Variants in HDAC4 observed in about 807,000 individuals in gnomAD.
HDAC4 encodes the protein histone deacetylase A.
A neutral mutation model predicts 135.1 loss-of-function variants in HDAC4; 16 were observed. The observed-to-expected ratio is 0.12, with a 90% CI of 0.08 to 0.18. The LOEUF (loss-of-function observed/expected upper bound fraction) is 0.18, where lower values mean the gene tolerates loss of function less well. Among genes scored for constraint, HDAC4 ranks in the 10% least tolerant of loss-of-function variants. The pLI, the probability that HDAC4 is intolerant of heterozygous loss-of-function variation, is 1.00. For synonymous variants in HDAC4, 685 were observed against 653.4 expected, an observed-to-expected ratio of 1.05 and a Z score of -0.74; for missense variants, 1,143 against 1,511.8, an observed-to-expected ratio of 0.76 and a Z score of 4.05.
chr2:239,057,849 A>G (rs531088429), intron 24 of HDAC4, among the ~76,000 whole-genome samples: 41 of 152,364 alleles, frequency 2.7e-4, no homozygotes, highest in Admixed American at 1.2e-3. Context: ...AGAAAATGAC[A>G]TAAGTACAGG....
At chr2:239,374,799 G>C (rs183142964) in intron 1 of HDAC4, among the ~76,000 whole-genome samples, 2 of 152,328 alleles carry the variant, frequency 1.3e-5, no homozygotes, top group East Asian at 3.9e-4. Context: ...TCAAATTTCA[G>C]ATAAAATGAA....
At chr2:239,125,520 A>C (rs6543513) in intron 12 of HDAC4, among the ~76,000 whole-genome samples, 82,313 of 151,980 alleles carry the variant, frequency 0.54, 22,499 homozygotes, top group East Asian at 0.75. Context: ...AATGGCCTGA[A>C]ACAGGGACTC....
intron 2 of HDAC4, chr2:239,298,700 A>G (rs1238235048): frequency 1.3e-6 from 1 of 784,992 alleles, no homozygotes; most frequent in Non-Finnish European, 1.5e-6. Flanking sequence ...GGAAATCATG[A>G]CACTCCACCT....
intron 2 of HDAC4, among the ~76,000 whole-genome samples, chr2:239,280,758 C>G (rs2050662578): frequency 6.6e-6 from 1 of 152,078 alleles, no homozygotes; most frequent in Admixed American, 6.5e-5. Flanking sequence ...CCATGTACAC[C>G]ACTCCACAAT....
chr2:239,319,348 A>C (rs967485412), intron 2 of HDAC4, among the ~76,000 whole-genome samples: 35 of 152,232 alleles, frequency 2.3e-4, no homozygotes, highest in African/African-American at 8.4e-4. Flanking sequence ...TCTGCAAATG[A>C]TTAAGAAAAC....
intron 2 of HDAC4, among the ~76,000 whole-genome samples, chr2:239,270,432 C>T (rs2049996497): frequency 6.6e-6 from 1 of 151,960 alleles, no homozygotes. Flanking sequence ...TGGTGAGACA[C>T]AGTGAAGCAG....
At chr2:239,346,246 A>G (rs1692657082) in intron 2 of HDAC4, among the ~76,000 whole-genome samples, 1 of 141,038 alleles carries the variant, frequency 7.1e-6, no homozygotes, top group Non-Finnish European at 1.6e-5. Context: ...ACACACCCAT[A>G]CTTTAATACA....
chr2:239,368,085 G>C (rs1467354087), intron 1 of HDAC4, among the ~76,000 whole-genome samples: 1 of 152,138 alleles, frequency 6.6e-6, no homozygotes, highest in East Asian at 1.9e-4. Context: ...AAAACTCTGA[G>C]AGCCTGAACA....
chr2:239,290,378 C>T (rs1021704000), intron 2 of HDAC4, among the ~76,000 whole-genome samples: 20 of 152,192 alleles, frequency 1.3e-4, no homozygotes, highest in African/African-American at 3.1e-4. Flanking sequence ...GCACCAATGG[C>T]GTGAGGATGT....
chr2:239,370,400 C>T (rs372202339), intron 1 of HDAC4, among the ~76,000 whole-genome samples: 4 of 152,160 alleles, frequency 2.6e-5, no homozygotes, highest in African/African-American at 9.7e-5. Flanking sequence ...GGTGCCACAC[C>T]AATCAAGATG....
Position 239,140,826 on chromosome 2 carries a change from C to T in HDAC4, c.866-1030G>A, listed in dbSNP as rs975492989. On this transcript the variant is annotated intron_variant, in intron 8 of 26. Transcript: ENST00000543185. ...CCTCCTCCACGGTCTGCTTGCTGCC[C>T]GCGTCCTCCTGGAGCCCACGAGGAC... 1.2e-4 allele frequency: 44 copies of T among 379,094 alleles called. 1 individual carries two copies. Among genetic ancestry groups the T allele is most frequent in the South Asian group, 2.3e-4 (12 of 52,188 alleles). 23.5% of individuals were successfully genotyped at this position (379,094 alleles called of 1,614,324 possible).
chr2:239,257,240 C>CA (rs34115531), intron 2 of HDAC4, among the ~76,000 whole-genome samples: 23,376 of 136,560 alleles, frequency 0.17, 2,146 homozygotes, highest in Non-Finnish European at 0.23. Flanking sequence ...AACACAAGTG[C>CA]AAAAAAAAAA....
intron 14 of HDAC4, among the ~76,000 whole-genome samples, chr2:239,109,213 G>T (rs1354070653): frequency 6.6e-6 from 1 of 152,254 alleles, no homozygotes; most frequent in Non-Finnish European, 1.5e-5. Flanking sequence ...GGCCAGGCTG[G>T]GTGAACAGAC....
chr2:239,387,014 C>T (rs1478821627), intron 1 of HDAC4, among the ~76,000 whole-genome samples: 1 of 152,262 alleles, frequency 6.6e-6, no homozygotes, highest in East Asian at 1.9e-4. Flanking sequence ...AGTGCGTGAG[C>T]ACGTGTGTGC....
Position 239,095,010 on chromosome 2 carries a change from C to A in HDAC4, c.2280G>T (p.Gly760=). ...VFVRLPCGGV[G]VDSDTIWNEV... ...ATTTACACATTAAAGGAACACTTAC[C>A]CCAACACCACCGCAAGGGAGCCGGA... The change falls in exon 17 of 27, where the codon GGG becomes GGT. Residue 760 remains glycine (G), a splice_region_variant and synonymous_variant. Transcript: ENST00000543185. 1 of 1,613,922 alleles carries A rather than the reference C, an allele frequency of 6.2e-7. No individual in the cohort carries two copies. Among genetic ancestry groups the A allele is most frequent in the South Asian group, 1.1e-5 (1 of 91,070 alleles).
intron 22 of HDAC4, among the ~76,000 whole-genome samples, chr2:239,072,814 C>A (rs533985481): frequency 2.0e-5 from 3 of 152,176 alleles, no homozygotes; most frequent in African/African-American, 7.2e-5. Flanking sequence ...CGGGGATGAC[C>A]GCAGATCAGA....
chr2:239,064,343 G>GCCCCCGCCC (rs1334394906), intron 24 of HDAC4, among the ~76,000 whole-genome samples: 1 of 152,258 alleles, frequency 6.6e-6, no homozygotes, highest in Non-Finnish European at 1.5e-5. Context: ...CCTGCTGGGG[G>GCCCCCGCCC]CGGGGGAGGG....
rs562696952 is a variant in HDAC4, at chr2:239,399,461, A to G, written c.-220+1517T>C. Among the ~76,000 whole-genome samples, 4 of 152,220 alleles carry G rather than the reference A, an allele frequency of 2.6e-5. No individual in the cohort carries two copies. The East Asian group carries it at 7.7e-4, about 29-fold the overall frequency. Reference sequence around the variant, plus strand: ...TTCCTGGCTAGGTCCTGAAACCACCACACCAGCCTTCTTTGGACAGTCCCG... The same window carrying G: ...TTCCTGGCTAGGTCCTGAAACCACCGCACCAGCCTTCTTTGGACAGTCCCG... On this transcript the variant is annotated intron_variant, in intron 1 of 26. Transcript: ENST00000543185.
At position 239,155,688 on chromosome 2, in the gene HDAC4, C is replaced by T. The variant is rs138944142; in HGVS notation, c.733+964G>A. 1.2e-3 allele frequency: 182 copies of T among 152,354 alleles called. 2 individuals are homozygous for T. The highest frequency in any genetic ancestry group is 3.9e-3 in the African/African-American group (163 of 41,558). 9.4% of individuals were successfully genotyped at this position (152,354 alleles called of 1,614,324 possible). A position where few individuals can be genotyped will look rare whatever the true frequency, so the allele number is the denominator to read the frequency against. On this transcript the variant is annotated intron_variant, in intron 7 of 26. Coordinates refer to ENST00000543185, the MANE Select transcript of HDAC4 (RefSeq NM_001378414.1). ...TGTGACTGAGTACGTTCACTGTTTC[C>T]GCCCAGAACTGGCCAAAACCTTTGG...
Sources: gnomAD v4.1 joint callset for allele counts (sites outside exome capture counted in the v4.1 genomes callset) on GRCh38, gnomAD v4.1.1 for gene constraint, MANE v1.5 for transcripts, NCBI Gene and HGNC (gene_info 2026-07-23, HGNC 2026-07-21) for gene names.